The following MACROD2 variants were observed in gnomAD, a reference collection of about 807,000 sequenced individuals.
The protein encoded by MACROD2 is ADP-ribose glycohydrolase MACROD2.
A neutral mutation model predicts 70.4 loss-of-function variants in MACROD2; 36 were observed. That is an observed-to-expected ratio of 0.51 (90% CI 0.39 to 0.68). MACROD2 has a LOEUF of 0.68. Ranked by LOEUF, MACROD2 falls within the 30% of genes least tolerant of loss-of-function variation. MACROD2 has a pLI of 0.00. For synonymous variants in MACROD2, 172 were observed against 178.8 expected (o/e 0.96, Z 0.30); for missense variants, 496 against 538.4 (o/e 0.92, Z 0.78).
At chr20:16,020,768 G>T (rs1019057305) in intron 15 of MACROD2, among the ~76,000 whole-genome samples, 1 of 151,872 alleles carries the variant, frequency 6.6e-6, no homozygotes, top group Non-Finnish European at 1.5e-5. Flanking sequence ...CAAGTGGGAT[G>T]GGGGGAAGGA....
chr20:15,668,652 A>G (rs555617805), intron 8 of MACROD2, among the ~76,000 whole-genome samples: 22 of 152,338 alleles, frequency 1.4e-4, no homozygotes, highest in Admixed American at 1.3e-4. Flanking sequence ...TTGTGGTGCC[A>G]TGTTTGGTCA....
chr20:15,045,889 A>G (rs934344344), intron 5 of MACROD2, among the ~76,000 whole-genome samples: 1 of 152,028 alleles, frequency 6.6e-6, no homozygotes, highest in African/African-American at 2.4e-5. Context: ...TCCGAACAGG[A>G]GAGCAGTATT....
intron 6 of MACROD2, among the ~76,000 whole-genome samples, chr20:15,275,096 C>G (rs2077379170): frequency 6.6e-6 from 1 of 152,144 alleles, no homozygotes; most frequent in Non-Finnish European, 1.5e-5. Context: ...GCTAGATGAT[C>G]CCATAGGGAA....
chr20:15,748,661 G>C (rs1388947269), intron 8 of MACROD2, among the ~76,000 whole-genome samples: 1 of 152,026 alleles, frequency 6.6e-6, no homozygotes, highest in African/African-American at 2.4e-5. Context: ...GTGACTTCAG[G>C]ACATAAGTAT....
chr20:14,575,005 G>A (rs1448518173), intron 4 of MACROD2, among the ~76,000 whole-genome samples: 1 of 99,972 alleles, frequency 1.0e-5, no homozygotes, highest in Non-Finnish European at 1.9e-5. Flanking sequence ...GCGACAGAGC[G>A]AGACTCTGTC....
intron 8 of MACROD2, among the ~76,000 whole-genome samples, chr20:15,766,876 G>A (rs552514748): frequency 3.3e-5 from 5 of 152,318 alleles, no homozygotes; most frequent in African/African-American, 1.2e-4. Context: ...TCCTCAACTG[G>A]CTGGCCCAGG....
At chr20:15,926,627 G>A (rs1305689453) in intron 10 of MACROD2, among the ~76,000 whole-genome samples, 2 of 152,158 alleles carry the variant, frequency 1.3e-5, no homozygotes, top group African/African-American at 4.8e-5. Context: ...GTTCAGTACA[G>A]ATCTCATTGA....
intron 4 of MACROD2, among the ~76,000 whole-genome samples, chr20:14,503,028 G>A (rs2084931012): frequency 6.6e-6 from 1 of 152,166 alleles, no homozygotes; most frequent in Non-Finnish European, 1.5e-5. Flanking sequence ...GCTTAATGTA[G>A]TCTTCAGGAC....
intron 3 of MACROD2, among the ~76,000 whole-genome samples, chr20:14,492,303 C>T (rs1181394107): frequency 1.3e-5 from 2 of 152,052 alleles, no homozygotes; most frequent in Non-Finnish European, 2.9e-5. Context: ...TTAGCAAGAG[C>T]AACAGTTAGA....
intron 5 of MACROD2, among the ~76,000 whole-genome samples, chr20:14,741,324 A>G (rs1454360929): frequency 6.6e-6 from 1 of 152,138 alleles, no homozygotes; most frequent in East Asian, 1.9e-4. Flanking sequence ...TAGTTTCATA[A>G]GCAGTAATAT....
chr20:15,475,528 G>T lies in MACROD2; in HGVS notation c.572-24246G>T, dbSNP rs1435603091. 2.0e-5 allele frequency among the ~76,000 whole-genome samples: 3 copies of T among 152,202 alleles called. No homozygotes were observed. In the East Asian group the frequency reaches 5.8e-4, roughly 29 times the overall value. ...TCATTTAATGCAGCCTATGGAGGGT[G>T]AAAACAGAACTACATTTGTCAGCAT... On this transcript the variant is annotated intron_variant, in intron 7 of 17. Coordinates refer to ENST00000684519, the MANE Select transcript of MACROD2 (RefSeq NM_001351661.2).
At chr20:15,980,635 A>G (rs998892799) in intron 13 of MACROD2, among the ~76,000 whole-genome samples, 3 of 152,182 alleles carry the variant, frequency 2.0e-5, no homozygotes, top group Admixed American at 6.5e-5. Flanking sequence ...TTAGGGTTGA[A>G]TCTGTGCTAC....
At chr20:16,025,699 C>T in intron 15 of MACROD2, among the ~76,000 whole-genome samples, 1 of 152,200 alleles carries the variant, frequency 6.6e-6, no homozygotes, top group East Asian at 1.9e-4. Flanking sequence ...CCCTCTGGTG[C>T]TCAAGAAAAC....
At chr20:14,987,064 A>G (rs2074856001) in intron 5 of MACROD2, among the ~76,000 whole-genome samples, 1 of 152,184 alleles carries the variant, frequency 6.6e-6, no homozygotes, top group Non-Finnish European at 1.5e-5. Context: ...ACCATTTTCC[A>G]AAGAGCTTTG....
intron 3 of MACROD2, among the ~76,000 whole-genome samples, chr20:14,301,059 A>G (rs2082470848): frequency 6.6e-6 from 1 of 152,328 alleles, no homozygotes; most frequent in Admixed American, 6.5e-5. Context: ...CCACGATCCT[A>G]TCAGGTATGT....
At chr20:14,452,836 A>G (rs1280009740) in intron 3 of MACROD2, among the ~76,000 whole-genome samples, 1 of 152,108 alleles carries the variant, frequency 6.6e-6, no homozygotes, top group Non-Finnish European at 1.5e-5. Flanking sequence ...TTTGCCTTGG[A>G]AATCATTATA....
At chr20:15,299,033 G>A (rs1269419353) in intron 6 of MACROD2, among the ~76,000 whole-genome samples, 1 of 152,104 alleles carries the variant, frequency 6.6e-6, no homozygotes, top group East Asian at 1.9e-4. Context: ...CAAAATAATG[G>A]ATGAGGCTAC....
intron 5 of MACROD2, among the ~76,000 whole-genome samples, chr20:14,845,079 C>T (rs1354361502): frequency 6.6e-6 from 1 of 152,068 alleles, no homozygotes; most frequent in African/African-American, 2.4e-5. Flanking sequence ...CTACTAACCA[C>T]CCCCAGCAAA....
intron 15 of MACROD2, among the ~76,000 whole-genome samples, chr20:16,025,318 G>A (rs559912339): frequency 7.2e-5 from 11 of 152,290 alleles, no homozygotes; most frequent in African/African-American, 2.6e-4. Flanking sequence ...AGCTGTGGCA[G>A]CCTGAGATAT....
Sources: gnomAD v4.1 joint callset for allele counts (sites outside exome capture counted in the v4.1 genomes callset) on GRCh38, gnomAD v4.1.1 for gene constraint, MANE v1.5 for transcripts, NCBI Gene and HGNC (gene_info 2026-07-23, HGNC 2026-07-21) for gene names.